The following GFRA1 variants were observed in gnomAD, a reference collection of about 807,000 sequenced individuals.
The protein encoded by GFRA1 is GDNF family receptor alpha 1, also known as GDNF family receptor alpha-1.
In GFRA1, 16 loss-of-function variants were observed where a neutral mutation model predicts 51.6. The ratio of observed to expected loss-of-function variants is 0.31; its 90% confidence interval spans 0.21 to 0.47. The LOEUF (loss-of-function observed/expected upper bound fraction) is 0.47, where lower values mean the gene tolerates loss of function less well. Among genes scored for constraint, GFRA1 ranks in the 20% least tolerant of loss-of-function variants. The pLI is 1.00. For missense variants in GFRA1, 530 were observed against 594.3 expected (o/e 0.89, Z 1.13); for synonymous variants, 270 against 241.3 (o/e 1.12, Z -1.10).
In GFRA1 at chr10:116,064,278, TGAATG is replaced by T; in HGVS notation, c.*115_*119del. On this transcript the variant is annotated 3_prime_UTR_variant, in exon 11 of 11. Coordinates refer to ENST00000355422, the MANE Select transcript of GFRA1 (RefSeq NM_005264.8). ...AAGGAAAAAAAAAAAATGTTCCAGTTGAATGGAACTGTTTCTCAACTGAGCTCCTA... is the reference window on the plus strand; with the variant it reads ...AAGGAAAAAAAAAAAATGTTCCAGTTGAACTGTTTCTCAACTGAGCTCCTA... The T allele has an allele frequency of 1.2e-6, 1 of 844,132 alleles. No homozygotes were observed. The highest frequency in any genetic ancestry group is 1.9e-6 in the Non-Finnish European group (1 of 527,596). The allele number at this position is 844,132 out of a possible 1,614,324, so 52.3% of individuals were successfully genotyped here. A position where few individuals can be genotyped will look rare whatever the true frequency, so the allele number is the denominator to read the frequency against.
At chr10:116,225,378 C>T (rs1391488299) in intron 4 of GFRA1, among the ~76,000 whole-genome samples, 1 of 151,108 alleles carries the variant, frequency 6.6e-6, no homozygotes. Context: ...CTACTAAAAA[C>T]ACAAAAATTA....
At chr10:116,218,657 G>C (rs1346390534) in intron 4 of GFRA1, among the ~76,000 whole-genome samples, 1 of 152,114 alleles carries the variant, frequency 6.6e-6, no homozygotes, top group Non-Finnish European at 1.5e-5. Context: ...CAATATTCAT[G>C]ACCCTCCTGC....
chr10:116,196,762 A>ATATATATTATATAT (rs1963903925), intron 5 of GFRA1, among the ~76,000 whole-genome samples: 1 of 40,576 alleles, frequency 2.5e-5, no homozygotes, highest in Non-Finnish European at 8.5e-5. Context: ...ATTATATATT[A>ATATATATTATATAT]TATATATAAT....
intron 6 of GFRA1, among the ~76,000 whole-genome samples, chr10:116,124,007 C>A (rs1267745886): frequency 1.3e-5 from 2 of 152,158 alleles, no homozygotes; most frequent in Non-Finnish European, 2.9e-5. Flanking sequence ...CAGGTTCAAG[C>A]AATTCTCCTG....
intron 5 of GFRA1, among the ~76,000 whole-genome samples, chr10:116,133,987 A>G (rs1555156296): frequency 6.6e-6 from 1 of 152,222 alleles, no homozygotes; most frequent in Non-Finnish European, 1.5e-5. Context: ...CACTTAGAAA[A>G]TGCCACCGTT....
At chr10:116,198,429 C>T (rs1197759716) in intron 5 of GFRA1, among the ~76,000 whole-genome samples, 1 of 152,324 alleles carries the variant, frequency 6.6e-6, no homozygotes, top group East Asian at 1.9e-4. Context: ...CCACCCACGG[C>T]TGTTTAATAA....
At position 116,271,978 on chromosome 10, in the gene GFRA1, G is replaced by T; in HGVS notation, c.40+12C>A. The T allele has an allele frequency of 6.4e-7, 1 of 1,552,516 alleles. No individual in the cohort carries two copies. The highest frequency in any genetic ancestry group is 8.7e-7 in the Non-Finnish European group (1 of 1,147,316). On this transcript the variant is annotated intron_variant, in intron 2 of 10. Coordinates refer to ENST00000355422, the MANE Select transcript of GFRA1 (RefSeq NM_005264.8). ...CAGAGGGTAAGAAAGCCCGCGGCGG[G>T]CCTCGACTTACCCAAGAGCGGCAGC...
chr10:116,189,563 G>C (rs1479133958), intron 5 of GFRA1, among the ~76,000 whole-genome samples: 1 of 151,942 alleles, frequency 6.6e-6, no homozygotes, highest in African/African-American at 2.4e-5. Flanking sequence ...ACTATCTTAA[G>C]TTTAATTCTC....
At chr10:116,136,469 G>A (rs983719130) in intron 5 of GFRA1, among the ~76,000 whole-genome samples, 5 of 152,164 alleles carry the variant, frequency 3.3e-5, no homozygotes, top group Non-Finnish European at 4.4e-5. Flanking sequence ...GAGTAACAAA[G>A]AATCCAAAAC....
chr10:116,124,880 C>G (rs1459151451), intron 6 of GFRA1, among the ~76,000 whole-genome samples: 1 of 152,156 alleles, frequency 6.6e-6, no homozygotes, highest in East Asian at 1.9e-4. Context: ...GCCCTCAGGA[C>G]TTGAGCAGCA....
intron 5 of GFRA1, among the ~76,000 whole-genome samples, chr10:116,134,077 C>T (rs1383894153): frequency 6.6e-6 from 1 of 152,130 alleles, no homozygotes; most frequent in Non-Finnish European, 1.5e-5. Context: ...AAATCTATTT[C>T]TATGGATTAT....
intron 4 of GFRA1, among the ~76,000 whole-genome samples, chr10:116,224,450 T>C (rs552776614): frequency 1.3e-5 from 2 of 152,298 alleles, no homozygotes; most frequent in East Asian, 1.9e-4. Flanking sequence ...CGAATGTCCA[T>C]CAACTGACGA....
intron 6 of GFRA1, among the ~76,000 whole-genome samples, chr10:116,116,578 A>C (rs1957420634): frequency 6.6e-6 from 1 of 152,240 alleles, no homozygotes; most frequent in Non-Finnish European, 1.5e-5. Flanking sequence ...CAGGACCCTC[A>C]CTGTCCAGCA....
At chr10:116,121,676 T>C (rs1018033072) in intron 6 of GFRA1, among the ~76,000 whole-genome samples, 11 of 152,210 alleles carry the variant, frequency 7.2e-5, no homozygotes, top group Non-Finnish European at 1.3e-4. Flanking sequence ...AATGGAGCAT[T>C]TGAAAGTGTG....
chr10:116,093,321 C>T (rs1956431307), intron 8 of GFRA1, among the ~76,000 whole-genome samples: 1 of 152,224 alleles, frequency 6.6e-6, no homozygotes, highest in African/African-American at 2.4e-5. Flanking sequence ...TTTCAAGAAC[C>T]TTTGGAACAG....
intron 9 of GFRA1, among the ~76,000 whole-genome samples, chr10:116,069,643 G>T (rs541714855): frequency 1.3e-5 from 2 of 152,302 alleles, no homozygotes; most frequent in African/African-American, 2.4e-5. Flanking sequence ...GGCACCAGAG[G>T]GTTAATAAAT....
intron 6 of GFRA1, among the ~76,000 whole-genome samples, chr10:116,120,511 G>T (rs746715257): frequency 9.2e-5 from 14 of 152,154 alleles, no homozygotes; most frequent in Non-Finnish European, 2.1e-4. Flanking sequence ...CTAGAGCCCA[G>T]GAGTTAGAGG....
chr10:116,114,738 T>C (rs1957345454), intron 6 of GFRA1, among the ~76,000 whole-genome samples: 1 of 149,970 alleles, frequency 6.7e-6, no homozygotes, highest in Non-Finnish European at 1.5e-5. Context: ...TTCTGGGGGG[T>C]ATCACATTTA....
At chr10:116,141,643 G>A (rs561663005) in intron 5 of GFRA1, among the ~76,000 whole-genome samples, 1 of 152,260 alleles carries the variant, frequency 6.6e-6, no homozygotes, top group Non-Finnish European at 1.5e-5. Context: ...GAGTGCAGTG[G>A]TGCAATCTCG....
Sources: gnomAD v4.1 joint callset for allele counts (sites outside exome capture counted in the v4.1 genomes callset) on GRCh38, gnomAD v4.1.1 for gene constraint, MANE v1.5 for transcripts, NCBI Gene and HGNC (gene_info 2026-07-23, HGNC 2026-07-21) for gene names.